The following C6orf52 variants were observed in gnomAD, a reference collection of about 807,000 sequenced individuals.
C6orf52 encodes putative uncharacterized protein C6orf52.
In C6orf52, 16 loss-of-function variants were observed where a neutral mutation model predicts 16.6. That is an observed-to-expected ratio of 0.96 (90% CI 0.65 to 1.46). The LOEUF (loss-of-function observed/expected upper bound fraction) is 1.46, where lower values mean the gene tolerates loss of function less well. C6orf52 is among the 40% of genes most tolerant of loss of function. The probability of loss-of-function intolerance (pLI) is 0.00; values close to 1 mark genes in which losing one functional copy is unlikely to be tolerated. For synonymous variants in C6orf52, 53 were observed against 61.4 expected (o/e 0.86, Z 0.64); for missense variants, 166 against 182.3 (o/e 0.91, Z 0.52).
intron 4 of C6orf52, among the ~76,000 whole-genome samples, chr6:10,678,185 A>G (rs964055925): frequency 1.5e-5 from 2 of 129,548 alleles, no homozygotes; most frequent in Admixed American, 7.7e-5. Flanking sequence ...GACTGTCTTA[A>G]AAAAAAAAAA....
intron 3 of C6orf52, chr6:10,684,819 G>A: frequency 1.6e-6 from 2 of 1,267,358 alleles, no homozygotes; most frequent in African/African-American, 1.5e-5. Context: ...GGGGATGTGG[G>A]AGTAAAAGAG....
intron 4 of C6orf52, among the ~76,000 whole-genome samples, chr6:10,679,430 C>A (rs1689310784): frequency 7.0e-6 from 1 of 142,090 alleles, no homozygotes; most frequent in Admixed American, 7.0e-5. Context: ...CAAAGCAAGA[C>A]TGTCTCCAAA....
chr6:10,685,228 A>C (rs1234024230), intron 3 of C6orf52, among the ~76,000 whole-genome samples: 1 of 150,584 alleles, frequency 6.6e-6, no homozygotes, highest in Non-Finnish European at 1.5e-5. Flanking sequence ...AAAAAAGAGC[A>C]AAAAGAGAAG....
intron 4 of C6orf52, among the ~76,000 whole-genome samples, chr6:10,680,272 A>G (rs1768261473): frequency 6.6e-6 from 1 of 152,032 alleles, no homozygotes; most frequent in Admixed American, 6.6e-5. Context: ...AAGAAAAATA[A>G]TGTTTTTTGT....
intron 4 of C6orf52, among the ~76,000 whole-genome samples, chr6:10,671,860 T>A (rs1360995179): frequency 6.6e-6 from 1 of 152,132 alleles, no homozygotes; most frequent in Non-Finnish European, 1.5e-5. Context: ...TTTCAGATGC[T>A]TGGGGGATGG....
intron 3 of C6orf52, 68 bp downstream of exon 3, chr6:10,686,898 G>T: frequency 8.7e-7 from 1 of 1,154,236 alleles, no homozygotes; most frequent in Non-Finnish European, 1.2e-6. Flanking sequence ...GATGTGTGAA[G>T]ATAGGAAAGT....
intron 4 of C6orf52, among the ~76,000 whole-genome samples, chr6:10,677,242 G>A (rs1767978718): frequency 6.6e-6 from 1 of 152,156 alleles, no homozygotes; most frequent in South Asian, 2.1e-4. Flanking sequence ...TGTGGACATT[G>A]TTTTCTGAGC....
intron 4 of C6orf52, among the ~76,000 whole-genome samples, chr6:10,671,814 A>C (rs1338253784): frequency 6.6e-6 from 1 of 152,228 alleles, no homozygotes; most frequent in Non-Finnish European, 1.5e-5. Flanking sequence ...ATGAGCATCC[A>C]GCTGACAGAA....
At chr6:10,674,975 A>G (rs1581531740) in intron 4 of C6orf52, among the ~76,000 whole-genome samples, 1 of 152,068 alleles carries the variant, frequency 6.6e-6, no homozygotes, top group East Asian at 1.9e-4. Flanking sequence ...ACACTCGGCT[A>G]ATTTTTTGTA....
chr6:10,692,730 T>G (rs1769448881), intron 1 of C6orf52, among the ~76,000 whole-genome samples: 1 of 152,056 alleles, frequency 6.6e-6, no homozygotes, highest in South Asian at 2.1e-4. Context: ...CCATTTTATT[T>G]TATTTTTTGA....
At chr6:10,693,983 G>C (rs992415459) in intron 1 of C6orf52, among the ~76,000 whole-genome samples, 6 of 152,186 alleles carry the variant, frequency 3.9e-5, no homozygotes, top group African/African-American at 1.2e-4. Flanking sequence ...CTCTGGCCGG[G>C]CGCTGTGGCT....
At chr6:10,689,875 C>T (rs2127471665) in intron 1 of C6orf52, among the ~76,000 whole-genome samples, 1 of 152,294 alleles carries the variant, frequency 6.6e-6, no homozygotes, top group Admixed American at 6.5e-5. Flanking sequence ...CTTGTTTAGA[C>T]CACTATTGTT....
chr6:10,692,464 A>G (rs1769411414), intron 1 of C6orf52, among the ~76,000 whole-genome samples: 1 of 151,884 alleles, frequency 6.6e-6, no homozygotes, highest in African/African-American at 2.4e-5. Flanking sequence ...TTTTTTTTTG[A>G]GACAGTCTCA....
chr6:10,683,803 A>T (rs1768615440), intron 3 of C6orf52, among the ~76,000 whole-genome samples: 1 of 152,256 alleles, frequency 6.6e-6, no homozygotes, highest in Non-Finnish European at 1.5e-5. Flanking sequence ...AGGTACTCCC[A>T]AAGTAAATCT....
chr6:10,694,037 A>G (rs1303049775), intron 1 of C6orf52, among the ~76,000 whole-genome samples: 1 of 152,156 alleles, frequency 6.6e-6, no homozygotes, highest in Non-Finnish European at 1.5e-5. Context: ...AGGCAAGCGG[A>G]TCACCTGCGG....
intron 3 of C6orf52, among the ~76,000 whole-genome samples, chr6:10,684,020 T>G (rs2127467032): frequency 6.6e-6 from 1 of 152,370 alleles, no homozygotes; most frequent in Admixed American, 6.5e-5. Context: ...GCCAAAGATC[T>G]ACTATCTTTT....
chr6:10,691,224 A>C (rs1390117475), intron 1 of C6orf52, among the ~76,000 whole-genome samples: 1 of 152,224 alleles, frequency 6.6e-6, no homozygotes, highest in Non-Finnish European at 1.5e-5. Flanking sequence ...GACAAGCCGC[A>C]GACAAAACCC....
chr6:10,674,821 T>C (rs898479880), intron 4 of C6orf52: 1 of 152,454 alleles, frequency 6.6e-6, no homozygotes, highest in Non-Finnish European at 1.5e-5. Context: ...TTTTTTTTTT[T>C]TTTTTGAGAC....
intron 1 of C6orf52, among the ~76,000 whole-genome samples, chr6:10,690,045 T>C (rs1581563745): frequency 6.6e-6 from 1 of 152,140 alleles, no homozygotes; most frequent in Admixed American, 6.5e-5. Context: ...CAGGTAAGCA[T>C]TGAGGCTGCA....
Sources: allele counts gnomAD v4.1 joint callset (sites outside exome capture counted in the v4.1 genomes callset), GRCh38; gene constraint gnomAD v4.1.1; transcripts MANE v1.5; gene names NCBI Gene and HGNC (gene_info 2026-07-23, HGNC 2026-07-21).